LSM14A: variants seen among roughly 807,000 people sequenced by gnomAD.
The protein encoded by LSM14A is LSM14A mRNA processing body assembly factor.
Under a neutral mutation model 52.4 loss-of-function variants are expected in LSM14A, and 14 were observed. The ratio of observed to expected loss-of-function variants is 0.27; its 90% CI spans 0.18 to 0.42. The LOEUF is 0.42. LSM14A is among the 10% of genes least tolerant of loss of function. The pLI is 1.00. For missense variants in LSM14A, 417 were observed against 581.8 expected (o/e 0.72, Z 2.91); for synonymous variants, 185 against 200.3 (o/e 0.92, Z 0.64).
intron 3 of LSM14A, 88 bp downstream of exon 3, chr19:34,196,851 A>C: frequency 9.0e-7 from 1 of 1,117,102 alleles, no homozygotes; most frequent in Non-Finnish European, 1.3e-6. Flanking sequence ...CAACTATTAG[A>C]AATGTTGTTT....
At chr19:34,197,315 T>C (rs994622734) in intron 3 of LSM14A, among the ~76,000 whole-genome samples, 2 of 152,170 alleles carry the variant, frequency 1.3e-5, no homozygotes, top group Non-Finnish European at 2.9e-5. Context: ...GGTCTTGAAC[T>C]CCTGACCTCA....
At chr19:34,188,131 AC>A (rs2070066881) in intron 1 of LSM14A, among the ~76,000 whole-genome samples, 1 of 152,002 alleles carries the variant, frequency 6.6e-6, no homozygotes, top group South Asian at 2.1e-4. Flanking sequence ...TACAAAAAAT[AC>A]AAAAATTAGC....
intron 1 of LSM14A, among the ~76,000 whole-genome samples, chr19:34,187,623 T>C (rs2070024903): frequency 6.6e-6 from 1 of 152,188 alleles, no homozygotes; most frequent in Admixed American, 6.5e-5. Flanking sequence ...TGGAGGGTAC[T>C]AGCTTCACTT....
rs1177344643 is a variant in LSM14A, at chr19:34,172,580, G to A, written c.-63G>A. The A allele has an allele frequency of 2.2e-5, 32 of 1,479,220 alleles. No homozygotes were observed. Among genetic ancestry groups the A allele is most frequent in the Non-Finnish European group, 2.9e-5 (32 of 1,115,316 alleles). The allele number at this position is 1,479,220 out of a possible 1,614,324, so 91.6% of individuals were successfully genotyped here. ...CCGACGGAGCGAGCGGGCGTGCGGA[G>A]CGGGCGACAGTGGCGTGGGATCTGC... On this transcript the variant is annotated 5_prime_UTR_variant, in exon 1 of 10. Transcript: ENST00000544216.
At chr19:34,211,337 T>C (rs2072135157) in intron 4 of LSM14A, among the ~76,000 whole-genome samples, 1 of 151,902 alleles carries the variant, frequency 6.6e-6, no homozygotes, top group Admixed American at 6.6e-5. Context: ...GCCTAATCCA[T>C]TGATTATGTA....
At chr19:34,223,470 T>C (rs1178606730) in intron 9 of LSM14A, among the ~76,000 whole-genome samples, 1 of 152,242 alleles carries the variant, frequency 6.6e-6, no homozygotes, top group Non-Finnish European at 1.5e-5. Flanking sequence ...CAGCTTAACC[T>C]TCCTCAGACT....
chr19:34,211,642 A>G (rs2072160565), intron 4 of LSM14A, among the ~76,000 whole-genome samples: 1 of 152,068 alleles, frequency 6.6e-6, no homozygotes, highest in African/African-American at 2.4e-5. Context: ...TTTAAAAATA[A>G]GCAGAGTATG....
intron 1 of LSM14A, among the ~76,000 whole-genome samples, chr19:34,192,316 G>GGTTTTTTTTTTT (rs1341848304): frequency 1.5e-5 from 1 of 65,822 alleles, no homozygotes; most frequent in Non-Finnish European, 2.9e-5. Flanking sequence ...CATTCTTTTT[G>GGTTTTTTTTTTT]TTGTTTTTTT....
intron 1 of LSM14A, among the ~76,000 whole-genome samples, chr19:34,192,319 G>GTTGTTTTTTTTTTTTTTTTTTTTTTT (rs60512063): frequency 1.9e-5 from 1 of 53,410 alleles, no homozygotes; most frequent in African/African-American, 8.1e-5. Flanking sequence ...TCTTTTTGTT[G>GTTGTTTTTTTTTTTTTTTTTTTTTTT]TTTTTTTTTT....
intron 9 of LSM14A, among the ~76,000 whole-genome samples, chr19:34,222,234 G>T (rs1173763328): frequency 6.6e-6 from 1 of 152,232 alleles, no homozygotes; most frequent in Admixed American, 6.5e-5. Flanking sequence ...GGTGCTGGGT[G>T]TTGAGCCCAG....
At position 34,226,730 on chromosome 19, in the gene LSM14A, C is replaced by T. The variant is rs146647802; in HGVS notation, c.1369-635C>T. ...TAGAGGAAAATAAAAGCCCTTGGCT[C>T]CAGCCCTTTGTACAGGCCTTTAGTT... On this transcript the variant is annotated intron_variant, in intron 9 of 9. Coordinates refer to ENST00000544216, the MANE Select transcript of LSM14A (RefSeq NM_015578.4). Among the ~76,000 whole-genome samples the T allele has an allele frequency of 2.3e-3, 350 of 152,262 alleles. 4 individuals carry two copies. In the East Asian group the frequency reaches 0.042, roughly 18 times the overall value.
intron 9 of LSM14A, chr19:34,226,390 T>TC (rs1351225231): frequency 6.5e-5 from 97 of 1,493,202 alleles, no homozygotes; most frequent in Non-Finnish European, 8.3e-5. Context: ...TTTTTTTTTT[T>TC]TTTTTTTTAC....
chr19:34,194,500 C>G lies in LSM14A; in HGVS notation c.144C>G (p.Asp48Glu), dbSNP rs769838154. The G allele has an allele frequency of 6.2e-7, 1 of 1,614,116 alleles. No homozygotes were observed. The highest frequency in any genetic ancestry group is 1.1e-5 in the South Asian group (1 of 91,086). The change falls in exon 2 of 10, where the codon GAC becomes GAG. Residue 48 changes from aspartate to glutamate, a missense_variant. By Grantham distance (45) the Asp-to-Glu change is conservative. Coordinates refer to ENST00000544216, the MANE Select transcript of LSM14A (RefSeq NM_015578.4). ...LAKVRSFGTE[D>E]RPTDRPIPPR... is the part of the protein sequence containing the mutation. ...CAGTTCGATCCTTTGGTACAGAAGA[C>G]AGACCGACAGATCGTCCAATACCAC...
intron 6 of LSM14A, among the ~76,000 whole-genome samples, chr19:34,218,247 G>A (rs2072811896): frequency 6.6e-6 from 1 of 151,922 alleles, no homozygotes; most frequent in Admixed American, 6.6e-5. Context: ...CTCGTGATCC[G>A]CCCGCCCCGG....
intron 4 of LSM14A, 61 bp downstream of exon 4, chr19:34,209,112 C>A: frequency 7.1e-7 from 1 of 1,416,830 alleles, no homozygotes; most frequent in Non-Finnish European, 9.5e-7. Context: ...TTTTGTCTTT[C>A]TGAATGTAAG....
intron 1 of LSM14A, among the ~76,000 whole-genome samples, chr19:34,172,967 G>A (rs1182690973): frequency 6.6e-6 from 1 of 152,220 alleles, no homozygotes; most frequent in African/African-American, 2.4e-5. Flanking sequence ...CGGAATGTCC[G>A]CGCCTGAAGC....
intron 3 of LSM14A, chr19:34,208,722 A>G (rs1411875241): frequency 2.1e-6 from 1 of 465,704 alleles, no homozygotes; most frequent in Non-Finnish European, 3.9e-6. Flanking sequence ...TGGACAGTAT[A>G]TTGGCTCCCC....
intron 1 of LSM14A, among the ~76,000 whole-genome samples, chr19:34,187,992 A>C (rs2070057468): frequency 6.6e-6 from 1 of 152,144 alleles, no homozygotes; most frequent in African/African-American, 2.4e-5. Flanking sequence ...TAAGACTAAT[A>C]AAATTATTAG....
intron 6 of LSM14A, among the ~76,000 whole-genome samples, chr19:34,218,252 C>T (rs1260255108): frequency 2.6e-5 from 4 of 152,146 alleles, no homozygotes; most frequent in African/African-American, 7.2e-5. Context: ...GATCCGCCCG[C>T]CCCGGCCTCC....
Sources: gnomAD v4.1 joint callset for allele counts (sites outside exome capture counted in the v4.1 genomes callset) on GRCh38, gnomAD v4.1.1 for gene constraint, MANE v1.5 for transcripts, NCBI Gene and HGNC (gene_info 2026-07-23, HGNC 2026-07-21) for gene names.